OSCP1: variants seen among roughly 807,000 people sequenced by gnomAD.
OSCP1 encodes organic solute carrier partner 1.
Under a neutral mutation model 45.1 loss-of-function variants are expected in OSCP1, and 35 were observed. That is an observed-to-expected ratio of 0.78 (90% CI 0.59 to 1.03). The LOEUF is 1.03. Ranked by LOEUF, OSCP1 falls within the 50% of genes least tolerant of loss-of-function variation. The pLI, the probability that OSCP1 is intolerant of heterozygous loss-of-function variation, is 0.00. For synonymous variants in OSCP1, 179 were observed against 180.1 expected (o/e 0.99, Z 0.05); for missense variants, 400 against 470.7 (o/e 0.85, Z 1.39).
At chr1:36,439,531 AT>A (rs1344855501) in intron 1 of OSCP1, among the ~76,000 whole-genome samples, 1 of 152,170 alleles carries the variant, frequency 6.6e-6, no homozygotes, top group African/African-American at 2.4e-5. Flanking sequence ...AAAAATAAAA[AT>A]TCCTATAATT....
chr1:36,423,125 C>T (rs1019250059), intron 5 of OSCP1, among the ~76,000 whole-genome samples: 3 of 152,160 alleles, frequency 2.0e-5, no homozygotes, highest in Admixed American at 2.0e-4. Flanking sequence ...TTCATCCACA[C>T]AGTAACCATT....
At position 36,447,698 on chromosome 1, in the gene OSCP1, T is replaced by C; in HGVS notation, c.112+2560A>G. On this transcript the variant is annotated intron_variant, in intron 1 of 9. Transcript: ENST00000235532. The surrounding 1 kb of genome is among the most constrained non-coding windows in gnomAD (Gnocchi z 4.1). ...CTATGTGTTACAATAGTTGGGAGGA[T>C]TAAGGTGTTTAAGAGGAGCCCTTGG... 4.6e-6 allele frequency: 1 copy of C among 216,686 alleles called. No homozygotes were observed. Among genetic ancestry groups the C allele is most frequent in the Admixed American group, 5.2e-5 (1 of 19,288 alleles). 13.4% of individuals were successfully genotyped at this position (216,686 alleles called of 1,614,324 possible).
At chr1:36,435,863 A>G (rs1321483134) in intron 2 of OSCP1, among the ~76,000 whole-genome samples, 2 of 151,804 alleles carry the variant, frequency 1.3e-5, no homozygotes, top group Non-Finnish European at 2.9e-5. Flanking sequence ...CGATCTCTTG[A>G]CCTCGTGATC....
intron 1 of OSCP1, chr1:36,440,914 T>C (rs945424661): frequency 1.3e-5 from 2 of 152,212 alleles, no homozygotes; most frequent in African/African-American, 4.8e-5. Flanking sequence ...GCTATTCACC[T>C]AGGTGCTGAG....
chr1:36,450,174 G>T, intron 1 of OSCP1, 84 bp downstream of exon 1: 1 of 1,090,566 alleles, frequency 9.2e-7, no homozygotes. Context: ...TAGGGGTGCG[G>T]GTCTGGCTGT....
At chr1:36,422,269 C>T (rs16822940) in intron 6 of OSCP1, 50 bp from the exon 7 acceptor site, 155,567 of 1,516,260 alleles carry the variant, frequency 0.1, 8,900 homozygotes, top group East Asian at 0.26. Context: ...TTTCCACGGA[C>T]TTCTCTCTAA....
At chr1:36,421,871 G>A in intron 7 of OSCP1, 1 of 474,770 alleles carries the variant, frequency 2.1e-6, no homozygotes, top group Non-Finnish European at 3.8e-6. Flanking sequence ...GGACCTAATG[G>A]CACTGGTACT....
At chr1:36,423,023 G>GTAATAATAA (rs3052825) in intron 5 of OSCP1, 127 bp from the exon 6 acceptor site, 10 of 525,190 alleles carry the variant, frequency 1.9e-5, no homozygotes, top group African/African-American at 1.6e-4. Flanking sequence ...GGTGCTGGTT[G>GTAATAATAA]TAATAATAAT....
At chr1:36,422,669 G>T in intron 6 of OSCP1, 99 bp downstream of exon 6, 2 of 1,242,786 alleles carry the variant, frequency 1.6e-6, no homozygotes, top group South Asian at 1.9e-5. Context: ...ATTGTCGGCA[G>T]GGATTTTCAT....
intron 8 of OSCP1, among the ~76,000 whole-genome samples, chr1:36,419,658 G>C (rs1647491975): frequency 6.6e-6 from 1 of 152,188 alleles, no homozygotes; most frequent in African/African-American, 2.4e-5. Flanking sequence ...TACTATTGCT[G>C]TTGGTTTTGG....
Position 36,450,404 on chromosome 1 carries a change from C to T in OSCP1, c.-35G>A, listed in dbSNP as rs745521447. The T allele has an allele frequency of 6.3e-7, 1 of 1,577,490 alleles. No homozygotes were observed. The highest frequency in any genetic ancestry group is 1.1e-5 in the South Asian group (1 of 90,098). On this transcript the variant is annotated 5_prime_UTR_variant, in exon 1 of 10. Coordinates refer to ENST00000235532, the MANE Select transcript of OSCP1 (RefSeq NM_145047.5). ...AACGAGCTGGACTGGTGAAGAGCCC[C>T]GGGGTTCGGTAGCCAGTGGCCTGAA...
At chr1:36,441,144 G>A (rs912625379) in intron 1 of OSCP1, among the ~76,000 whole-genome samples, 6 of 152,214 alleles carry the variant, frequency 3.9e-5, no homozygotes, top group African/African-American at 1.4e-4. Context: ...GGAAGAGGAC[G>A]GCGGGGTCTG....
At chr1:36,425,417 G>A (rs890223255) in intron 4 of OSCP1, among the ~76,000 whole-genome samples, 1 of 152,064 alleles carries the variant, frequency 6.6e-6, no homozygotes, top group Admixed American at 6.6e-5. Flanking sequence ...GGGTTACTGT[G>A]ACAACTAAAT....
chr1:36,438,932 C>T (rs754759763), intron 1 of OSCP1, 22 bp from the exon 2 acceptor site: 1 of 1,611,426 alleles, frequency 6.2e-7, no homozygotes, highest in Non-Finnish European at 8.5e-7. Context: ...AGAGAGAACA[C>T]AGCTGAGCAA....
intron 1 of OSCP1, chr1:36,440,991 G>A (rs959711771): frequency 1.3e-5 from 2 of 152,232 alleles, no homozygotes; most frequent in African/African-American, 2.4e-5. Flanking sequence ...AGATAAATCA[G>A]TTCTGGACGA....
At chr1:36,434,127 G>A (rs1225258089) in intron 2 of OSCP1, among the ~76,000 whole-genome samples, 1 of 152,254 alleles carries the variant, frequency 6.6e-6, no homozygotes, top group African/African-American at 2.4e-5. Flanking sequence ...TGTGGGAGCG[G>A]AAGAGCCAGG....
chr1:36,421,925 G>T, intron 7 of OSCP1: 1 of 579,090 alleles, frequency 1.7e-6, no homozygotes. Flanking sequence ...CTTAATTATG[G>T]TGGCCGAGCC....
intron 8 of OSCP1, 191 bp from the exon 9 acceptor site, chr1:36,419,245 T>C: frequency 1.7e-6 from 1 of 592,878 alleles, no homozygotes; most frequent in South Asian, 2.1e-5. Flanking sequence ...TCTCTGTGAC[T>C]TTGCACATTA....
intron 9 of OSCP1, chr1:36,418,705 T>G: frequency 2.7e-6 from 1 of 369,560 alleles, no homozygotes. Flanking sequence ...TCACTTGAGG[T>G]CAGGAGTTTA....
Sources: allele counts gnomAD v4.1 joint callset (sites outside exome capture counted in the v4.1 genomes callset), GRCh38; gene constraint gnomAD v4.1.1; non-coding constraint Gnocchi (gnomAD v3.1); transcripts MANE v1.5; gene names NCBI Gene and HGNC (gene_info 2026-07-23, HGNC 2026-07-21).